USHBP1: variants seen among roughly 807,000 people sequenced by gnomAD.
USHBP1 encodes the protein USH1 protein network component harmonin binding protein 1, also known as harmonin-binding protein USHBP1.
A neutral mutation model predicts 76.2 loss-of-function variants in USHBP1; 67 were observed. The observed-to-expected ratio is 0.88, with a 90% CI of 0.72 to 1.08. The LOEUF (loss-of-function observed/expected upper bound fraction) is 1.08. Among genes scored for constraint, USHBP1 ranks in the 50% least tolerant of loss-of-function variants. The pLI, the probability that USHBP1 is intolerant of heterozygous loss-of-function variation, is 0.00. For missense variants in USHBP1, 931 were observed against 915.0 expected (o/e 1.02, Z -0.23); for synonymous variants, 322 against 362.2 (o/e 0.89, Z 1.26).
At chr19:17,254,879 C>T (rs1455050653) in intron 10 of USHBP1, among the ~76,000 whole-genome samples, 1 of 151,962 alleles carries the variant, frequency 6.6e-6, no homozygotes, top group African/African-American at 2.4e-5. Context: ...AAGCTGAGAT[C>T]TACAGGAGGT....
At chr19:17,253,769 C>A (rs990909355) in intron 10 of USHBP1, among the ~76,000 whole-genome samples, 2 of 149,724 alleles carry the variant, frequency 1.3e-5, no homozygotes, top group African/African-American at 4.9e-5. Flanking sequence ...TGGTGCACGC[C>A]TGTAATTCCA....
chr19:17,259,797 T>G (rs967346427), intron 5 of USHBP1, 65 bp from the exon 6 acceptor site: 1 of 1,579,716 alleles, frequency 6.3e-7, no homozygotes, highest in African/African-American at 1.4e-5. Context: ...GTAGGCATTT[T>G]GCAACCCCAA....
At chr19:17,259,214 T>G (rs2145589316) in intron 7 of USHBP1, 75 bp downstream of exon 7, 2 of 1,522,210 alleles carry the variant, frequency 1.3e-6, no homozygotes, top group East Asian at 4.6e-5. Context: ...CCAGTGAGGG[T>G]TCTGTGGATT....
Position 17,263,863 on chromosome 19 carries a change from T to G in USHBP1, c.203+139A>C, listed in dbSNP as rs1224837685. Reference sequence around the variant, plus strand: ...TACAGCCTGGGTGACACAGCAAGACTCAAAAAAAAAAGAAAGTCAGGCTGA... The same window carrying G: ...TACAGCCTGGGTGACACAGCAAGACGCAAAAAAAAAAGAAAGTCAGGCTGA... On this transcript the variant is annotated intron_variant, in intron 3 of 12. Transcript: ENST00000252597. 2.8e-4 allele frequency: 335 copies of G among 1,194,136 alleles called. 2 individuals are homozygous for G. Among genetic ancestry groups the G allele is most frequent in the South Asian group, 3.8e-4 (22 of 58,660 alleles). The allele number at this position is 1,194,136 out of a possible 1,614,324, so 74.0% of individuals were successfully genotyped here. A position where few individuals can be genotyped will look rare whatever the true frequency, so the allele number is the denominator to read the frequency against.
rs117467248 is a variant in USHBP1 at position 17,260,679 on chromosome 19, C to T, written c.643-657G>A. ...GTGTGCTAAGGATGCTCAAGTTTCT[C>T]CCTTCTGCCCTGCTGTCTCCTCTGA... On this transcript the variant is annotated intron_variant, in intron 4 of 12. Coordinates refer to ENST00000252597, the MANE Select transcript of USHBP1 (RefSeq NM_031941.4). 2.9e-3 allele frequency among the ~76,000 whole-genome samples: 438 copies of T among 152,260 alleles called. 10 individuals carry two copies. The East Asian group carries it at 0.061, about 21-fold the overall frequency.
At position 17,259,280 on chromosome 19, in the gene USHBP1, T is replaced by A. The variant is rs201403249; in HGVS notation, c.1046+9A>T. The stretch of plus-strand genomic sequence containing the variant: ...CCAGCTGGTGACATCACTGGCAGGG[T>A]GCACTGACCTGTACTGCAAGGCCAG... On this transcript the variant is annotated intron_variant, in intron 7 of 12. Coordinates refer to ENST00000252597, the MANE Select transcript of USHBP1 (RefSeq NM_031941.4). 1 of 1,588,872 alleles carries A rather than the reference T, an allele frequency of 6.3e-7. No individual in the cohort carries two copies. The highest frequency in any genetic ancestry group is 8.6e-7 in the Non-Finnish European group (1 of 1,166,332).
chr19:17,253,323 T>TTG (rs2073576957), intron 10 of USHBP1, among the ~76,000 whole-genome samples: 8 of 46,598 alleles, frequency 1.7e-4, no homozygotes, highest in African/African-American at 5.3e-4. Context: ...AGACGGAGTC[T>TTG]CGTCGCCCAG....
intron 4 of USHBP1, among the ~76,000 whole-genome samples, chr19:17,262,311 T>C (rs1447771088): frequency 2.0e-5 from 3 of 152,088 alleles, no homozygotes; most frequent in Admixed American, 6.6e-5. Context: ...CCAACCTGGC[T>C]GATTTTTAAT....
At chr19:17,258,412 C>T in intron 7 of USHBP1, 27 bp from the exon 8 acceptor site, 2 of 1,600,130 alleles carry the variant, frequency 1.2e-6, no homozygotes, top group Middle Eastern at 1.7e-4. Flanking sequence ...CTGAGTGCTT[C>T]AGGACACTCA....
intron 8 of USHBP1, 146 bp from the exon 9 acceptor site, chr19:17,256,866 CA>C: frequency 2.5e-6 from 3 of 1,223,558 alleles, no homozygotes; most frequent in East Asian, 5.0e-5. Flanking sequence ...GTCACACCAA[CA>C]TACCCCACTA....
At chr19:17,261,179 CTCTGT>C (rs2073682814) in intron 4 of USHBP1, among the ~76,000 whole-genome samples, 1 of 152,228 alleles carries the variant, frequency 6.6e-6, no homozygotes, top group East Asian at 1.9e-4. Context: ...TTTGTTCTCC[CTCTGT>C]TCTGTTCTGG....
chr19:17,262,783 G>A lies in USHBP1; in HGVS notation c.411C>T (p.Arg137=). 6.2e-7 allele frequency: 1 copy of A among 1,614,098 alleles called. No individual in the cohort carries two copies. The highest frequency in any genetic ancestry group is 2.2e-5 in the East Asian group (1 of 44,886). The change falls in exon 4 of 13, where the codon CGC becomes CGT. Residue 137 remains arginine, a synonymous_variant. Transcript: ENST00000252597. ...GCCCAGAATGGCTGGGGGGCTGGTG[G>A]CGCCAGGCTGCAGCCGCTGCCTCCA... is the stretch of plus-strand genomic sequence containing the variant. ...SSLEAAAAAW[R]HQPPSHSGPM...
At chr19:17,263,737 T>A in intron 3 of USHBP1, 1 of 391,052 alleles carries the variant, frequency 2.6e-6, no homozygotes, top group Non-Finnish European at 4.5e-6. Context: ...CCGGATGTGG[T>A]GGCGCACACC....
rs550843163 is a variant in USHBP1 at position 17,252,886 on chromosome 19, CA to C, written c.1693-870del. Among the ~76,000 whole-genome samples, 1,235 of 137,290 alleles carry C rather than the reference CA, an allele frequency of 9.0e-3. 18 individuals are homozygous for C. The highest frequency in any genetic ancestry group is 0.031 in the African/African-American group (1,163 of 37,580). 90.1% of individuals were successfully genotyped at this position (137,290 alleles called of 152,430 possible). ...TGAGCAACACAGTGAGACTCTGTCT[CA>C]AAAAAAAAAACAACAAAAAAACAAA... is the stretch of plus-strand genomic sequence containing the variant. On this transcript the variant is annotated intron_variant, in intron 10 of 12. Transcript: ENST00000252597.
rs776712746 is a variant in USHBP1 at position 17,256,599 on chromosome 19, TG to T, written c.1341del (p.Thr448ProfsTer49). On this transcript the variant is annotated frameshift_variant, in exon 9 of 13. Coordinates refer to ENST00000252597, the MANE Select transcript of USHBP1 (RefSeq NM_031941.4). LOFTEE classifies it high-confidence loss of function. The part of the protein sequence containing the change: ...SLMKILSEPG[P>X]TLAPMPTVPR... Reference sequence around the variant, plus strand: ...GGCACAGTGGGCATGGGTGCCAAGGTGGGGCCAGGCTCTGAGAGAATCTTCA... The same window carrying T: ...GGCACAGTGGGCATGGGTGCCAAGGTGGGCCAGGCTCTGAGAGAATCTTCA... The T allele has an allele frequency of 3.1e-6, 5 of 1,614,104 alleles. No individual in the cohort carries two copies. In the South Asian group the frequency reaches 5.5e-5, roughly 18 times the overall value.
chr19:17,251,192 CAG>C lies in USHBP1; in HGVS notation c.1922+388_1922+389del, dbSNP rs1328156219. The stretch of plus-strand genomic sequence containing the variant: ...TTGTTTTTTTTTTTTTTTTTTTAGA[CAG>C]AGTCTTGCTCTGTCACCCAAGCTGG... On this transcript the variant is annotated intron_variant, in intron 12 of 12. Coordinates refer to ENST00000252597, the MANE Select transcript of USHBP1 (RefSeq NM_031941.4). Among the ~76,000 whole-genome samples the C allele has an allele frequency of 3.0e-3, 395 of 130,086 alleles. 2 individuals carry two copies. The highest frequency in any genetic ancestry group is 1.9e-3 in the Non-Finnish European group (123 of 63,458). 85.3% of individuals were successfully genotyped at this position (130,086 alleles called of 152,430 possible). A position where few individuals can be genotyped will look rare whatever the true frequency, so the allele number is the denominator to read the frequency against.
chr19:17,262,365 C>T (rs909111484), intron 4 of USHBP1, among the ~76,000 whole-genome samples, 187 bp downstream of exon 4: 4 of 152,006 alleles, frequency 2.6e-5, no homozygotes, highest in Non-Finnish European at 5.9e-5. Context: ...TGAGGCTGGT[C>T]TTGAACTCCT....
rs10570621 is a variant in USHBP1, at chr19:17,256,005, A to AAAAC, written c.1471-403_1471-400dup. Among the ~76,000 whole-genome samples the AAAAC allele has an allele frequency of 4.6e-5, 7 of 150,798 alleles. No homozygotes were observed. In the South Asian group the frequency reaches 6.3e-4, roughly 14 times the overall value. ...GGGTGAGAGCAAGACTCCGTCTCAA[A>AAAAC]AAACAAACAAACAAACAAACAAACT... is the stretch of plus-strand genomic sequence containing the variant. On this transcript the variant is annotated intron_variant, in intron 9 of 12. Coordinates refer to ENST00000252597, the MANE Select transcript of USHBP1 (RefSeq NM_031941.4).
Position 17,249,988 on chromosome 19 carries a change from C to A in USHBP1, c.*237G>T, listed in dbSNP as rs1312727180. 1.5e-5 allele frequency: 8 copies of A among 551,408 alleles called. No homozygotes were observed. Among genetic ancestry groups the A allele is most frequent in the Non-Finnish European group, 2.6e-5 (8 of 313,556 alleles). The allele number at this position is 551,408 out of a possible 1,614,324, so 34.2% of individuals were successfully genotyped here. On this transcript the variant is annotated 3_prime_UTR_variant, in exon 13 of 13. Transcript: ENST00000252597. ...GTCCCATAGCCCAGGTTGCTTCTGG[C>A]CTGACCCCACTGATATGAAGTTCAC... is the stretch of plus-strand genomic sequence containing the variant.
Sources: allele counts gnomAD v4.1 joint callset (sites outside exome capture counted in the v4.1 genomes callset), GRCh38; gene constraint gnomAD v4.1.1; transcripts MANE v1.5; gene names NCBI Gene and HGNC (gene_info 2026-07-23, HGNC 2026-07-21).